ZNF704: variants seen among roughly 807,000 people sequenced by gnomAD.
ZNF704 encodes the protein zinc finger protein 704, also known as glucocorticoid induced gene 1.
ZNF704 carries 10 observed loss-of-function variants against 44.7 expected under a neutral mutation model. The ratio of observed to expected loss-of-function variants is 0.22; its 90% CI spans 0.14 to 0.38. The LOEUF (loss-of-function observed/expected upper bound fraction) is 0.38. ZNF704 is among the 10% of genes least tolerant of loss of function. ZNF704 has a pLI of 1.00. For missense variants in ZNF704, 390 were observed against 545.5 expected (o/e 0.71, Z 2.84); for synonymous variants, 211 against 207.6 (o/e 1.02, Z -0.14).
rs1563494466 is a variant in ZNF704, at chr8:80,628,817, GA to G, written c.*12548del. ...TGTAGCAAATCCTTAACTCTGGGGG[GA>G]CAGAGCCACTTCTGCATTTTACACT... On this transcript the variant is annotated 3_prime_UTR_variant, in exon 9 of 9. Transcript: ENST00000327835. 6.6e-6 allele frequency: 1 copy of G among 152,208 alleles called. No individual in the cohort carries two copies. Among genetic ancestry groups the G allele is most frequent in the African/African-American group, 2.4e-5 (1 of 41,450 alleles). The allele number at this position is 152,208 out of a possible 1,614,324, so 9.4% of individuals were successfully genotyped here.
In ZNF704 at chr8:80,638,528, G is replaced by A. The variant is rs1385570982; in HGVS notation, c.*2838C>T. 3 of 152,252 alleles carry A rather than the reference G, an allele frequency of 2.0e-5. No individual in the cohort carries two copies. The highest frequency in any genetic ancestry group is 2.9e-5 in the Non-Finnish European group (2 of 67,988). 9.4% of individuals were successfully genotyped at this position (152,252 alleles called of 1,614,324 possible). On this transcript the variant is annotated 3_prime_UTR_variant, in exon 9 of 9. Coordinates refer to ENST00000327835, the MANE Select transcript of ZNF704 (RefSeq NM_001033723.3). ...TGGTTCCACAGAGATGGCATCAAAC[G>A]AATGTCTGGTTAATTTGGCACTTCA...
At chr8:80,781,884 G>A (rs966927253) in intron 2 of ZNF704, among the ~76,000 whole-genome samples, 127 of 152,132 alleles carry the variant, frequency 8.3e-4, no homozygotes, top group African/African-American at 2.9e-3. Flanking sequence ...TAATTCCACC[G>A]TTTTTCTCCC....
At chr8:80,784,051 T>C (rs1480144548) in intron 2 of ZNF704, among the ~76,000 whole-genome samples, 2 of 152,202 alleles carry the variant, frequency 1.3e-5, no homozygotes, top group Admixed American at 1.3e-4. Flanking sequence ...CTTTTCTTTT[T>C]TGCTGAGCAC....
At chr8:80,763,062 T>A (rs1361734470) in intron 2 of ZNF704, among the ~76,000 whole-genome samples, 1 of 152,248 alleles carries the variant, frequency 6.6e-6, no homozygotes, top group African/African-American at 2.4e-5. Context: ...CCTGTGGCTT[T>A]GCAGGGTACA....
At chr8:80,681,446 A>G (rs1818452319) in intron 4 of ZNF704, among the ~76,000 whole-genome samples, 1 of 152,154 alleles carries the variant, frequency 6.6e-6, no homozygotes, top group Non-Finnish European at 1.5e-5. Flanking sequence ...GCATTAATCT[A>G]TAGTGATGAA....
intron 1 of ZNF704, among the ~76,000 whole-genome samples, chr8:80,845,911 T>A (rs1383039696): frequency 2.0e-5 from 3 of 152,174 alleles, no homozygotes; most frequent in Admixed American, 6.5e-5. Context: ...GTAAAATGGA[T>A]GGGCCTATCT....
At chr8:80,768,944 C>T (rs72671919) in intron 2 of ZNF704, among the ~76,000 whole-genome samples, 10,736 of 152,234 alleles carry the variant, frequency 0.071, 528 homozygotes, top group Non-Finnish European at 0.1. Context: ...TGAAATCTAA[C>T]ATATCACAAG....
At chr8:80,746,729 T>C (rs1013425746) in intron 2 of ZNF704, among the ~76,000 whole-genome samples, 1 of 152,120 alleles carries the variant, frequency 6.6e-6, no homozygotes, top group Non-Finnish European at 1.5e-5. Context: ...TCAGGACCCA[T>C]TGTTACGGGC....
At chr8:80,709,597 GGA>G (rs982778438) in intron 2 of ZNF704, among the ~76,000 whole-genome samples, 8 of 152,210 alleles carry the variant, frequency 5.3e-5, no homozygotes, top group African/African-American at 1.9e-4. Context: ...GAGAAGGCAG[GGA>G]GAGCCAGCCA....
chr8:80,845,898 A>G (rs1174496179), intron 1 of ZNF704, among the ~76,000 whole-genome samples: 2 of 152,190 alleles, frequency 1.3e-5, no homozygotes, highest in Non-Finnish European at 2.9e-5. Context: ...AAAAATTGCT[A>G]AAGTAAAATG....
At chr8:80,852,584 C>CG (rs774162604) in intron 1 of ZNF704, among the ~76,000 whole-genome samples, 1 of 152,156 alleles carries the variant, frequency 6.6e-6, no homozygotes, top group Non-Finnish European at 1.5e-5. Context: ...ACACAGACTC[C>CG]GAATGTTATA....
intron 2 of ZNF704, among the ~76,000 whole-genome samples, chr8:80,752,625 T>C (rs1806963659): frequency 2.0e-5 from 3 of 152,098 alleles, no homozygotes. Context: ...CACTGCAACT[T>C]CCACCTCCCG....
intron 1 of ZNF704, among the ~76,000 whole-genome samples, chr8:80,824,276 G>A (rs1205023355): frequency 2.6e-5 from 4 of 152,144 alleles, no homozygotes; most frequent in African/African-American, 7.2e-5. Context: ...ACTACGTGAC[G>A]CATGCACAAG....
chr8:80,760,006 C>T (rs1807101461), intron 2 of ZNF704, among the ~76,000 whole-genome samples: 1 of 151,702 alleles, frequency 6.6e-6, no homozygotes, highest in African/African-American at 2.4e-5. Context: ...ATCCTCTTGC[C>T]CCTGCCTCCC....
intron 7 of ZNF704, among the ~76,000 whole-genome samples, chr8:80,651,752 G>A (rs940924182): frequency 3.3e-5 from 5 of 152,168 alleles, no homozygotes; most frequent in African/African-American, 1.2e-4. Flanking sequence ...ACATTAGACA[G>A]ATCAACGAGA....
At chr8:80,765,986 T>A (rs1338765715) in intron 2 of ZNF704, among the ~76,000 whole-genome samples, 1 of 152,180 alleles carries the variant, frequency 6.6e-6, no homozygotes, top group Admixed American at 6.5e-5. Flanking sequence ...CAGTAAGTGA[T>A]GATTTCATTT....
chr8:80,734,591 A>C (rs1245114309), intron 2 of ZNF704, among the ~76,000 whole-genome samples: 2 of 152,232 alleles, frequency 1.3e-5, no homozygotes, highest in Non-Finnish European at 2.9e-5. Flanking sequence ...GGAATATTTT[A>C]AGTATATGTA....
At chr8:80,835,868 C>T (rs1808550323) in intron 1 of ZNF704, among the ~76,000 whole-genome samples, 1 of 152,188 alleles carries the variant, frequency 6.6e-6, no homozygotes, top group Non-Finnish European at 1.5e-5. Context: ...CATTCACACC[C>T]AATCCATGTA....
Position 80,664,949 on chromosome 8 carries a change from G to A in ZNF704, c.793C>T (p.Pro265Ser). 1.2e-6 allele frequency: 2 copies of A among 1,614,198 alleles called. No homozygotes were observed. Among genetic ancestry groups the A allele is most frequent in the South Asian group, 1.1e-5 (1 of 91,088 alleles). The part of the protein sequence containing the change: ...PVSPSQSLAS[P>S]PTFPIPDSSR... ...GAATCTGGGATGGGGAAAGTAGGAG[G>A]TGAAGCCAGGGACTGGGAAGGTGAG... The change falls in exon 6 of 9, where the codon CCT (proline) becomes TCT (serine). Residue 265 changes from proline (P) to serine (S), a missense_variant. Pro to Ser is a moderately conservative substitution (Grantham distance 74, BLOSUM62 -1). Coordinates refer to ENST00000327835, the MANE Select transcript of ZNF704 (RefSeq NM_001033723.3).
Sources: allele counts gnomAD v4.1 joint callset (sites outside exome capture counted in the v4.1 genomes callset), GRCh38; gene constraint gnomAD v4.1.1; transcripts MANE v1.5; gene names NCBI Gene and HGNC (gene_info 2026-07-23, HGNC 2026-07-21).